Variants in STK32B observed in about 807,000 individuals in gnomAD.
The protein encoded by STK32B is serine/threonine-protein kinase 32B.
Under a neutral mutation model 52.6 loss-of-function variants are expected in STK32B, and 43 were observed. The observed-to-expected ratio is 0.82, with a 90% CI of 0.64 to 1.05. STK32B has a LOEUF of 1.05. Among genes scored for constraint, STK32B ranks in the 50% least tolerant of loss-of-function variants. The probability of loss-of-function intolerance (pLI) is 0.00; values close to 1 mark genes in which losing one functional copy is unlikely to be tolerated. For missense variants in STK32B, 621 were observed against 534.6 expected, an observed-to-expected ratio of 1.16 and a Z score of -1.59; for synonymous variants, 238 against 204.3, an observed-to-expected ratio of 1.17 and a Z score of -1.41.
chr4:5,198,051 C>G (rs1386612131), intron 3 of STK32B, among the ~76,000 whole-genome samples: 1 of 151,878 alleles, frequency 6.6e-6, no homozygotes, highest in East Asian at 1.9e-4. Context: ...TGTGCTATCT[C>G]ATGCCATAGA....
In STK32B at chr4:5,051,925, C is replaced by T. The variant is rs62291617; in HGVS notation, c.52+10C>T. On this transcript the variant is annotated intron_variant, in intron 1 of 11. Transcript: ENST00000282908. Reference sequence around the variant, plus strand: ...GACGAGAATGAGGAAGGTAAGAGAGCGAGAGGTGCGAATTCCCGCTTCGCG... The same window carrying T: ...GACGAGAATGAGGAAGGTAAGAGAGTGAGAGGTGCGAATTCCCGCTTCGCG... 6.3e-6 allele frequency: 10 copies of T among 1,587,380 alleles called. No individual in the cohort carries two copies. The highest frequency in any genetic ancestry group is 2.7e-5 in the African/African-American group (2 of 73,962).
chr4:5,247,529 G>T (rs1725544914), intron 3 of STK32B, among the ~76,000 whole-genome samples: 1 of 152,186 alleles, frequency 6.6e-6, no homozygotes, highest in Non-Finnish European at 1.5e-5. Context: ...CTCGGGTGAG[G>T]CGATGCCTCG....
chr4:5,172,907 T>C (rs561845381), intron 3 of STK32B, among the ~76,000 whole-genome samples: 1 of 152,234 alleles, frequency 6.6e-6, no homozygotes, highest in Non-Finnish European at 1.5e-5. Flanking sequence ...CTTGTACCTC[T>C]AGTAGAATTC....
chr4:5,175,825 A>T (rs377137725), intron 3 of STK32B, among the ~76,000 whole-genome samples: 15 of 152,202 alleles, frequency 9.9e-5, no homozygotes, highest in African/African-American at 2.9e-4. Flanking sequence ...ACTCTGTTCA[A>T]AGCTGTCAGA....
intron 1 of STK32B, among the ~76,000 whole-genome samples, chr4:5,132,939 C>G (rs1715868267): frequency 6.6e-6 from 1 of 152,044 alleles, no homozygotes; most frequent in Non-Finnish European, 1.5e-5. Context: ...GCTGGGATTA[C>G]AGGCATGCAC....
chr4:5,141,527 G>T (rs960375363), intron 2 of STK32B, among the ~76,000 whole-genome samples: 1 of 152,126 alleles, frequency 6.6e-6, no homozygotes, highest in Non-Finnish European at 1.5e-5. Context: ...AGGCTTGGGG[G>T]TTTCTGGGGG....
chr4:5,280,870 G>T (rs912699651), intron 3 of STK32B, among the ~76,000 whole-genome samples: 6 of 152,100 alleles, frequency 3.9e-5, no homozygotes, highest in Admixed American at 3.9e-4. Flanking sequence ...CTGCACTCCA[G>T]CCTGGGAGAC....
chr4:5,283,812 T>A (rs547092597), intron 3 of STK32B, among the ~76,000 whole-genome samples: 2 of 152,332 alleles, frequency 1.3e-5, no homozygotes, highest in South Asian at 4.1e-4. Context: ...CCATTAGACC[T>A]GCAGAAATTG....
chr4:5,341,614 G>A (rs1294457260), intron 4 of STK32B, among the ~76,000 whole-genome samples: 1 of 152,164 alleles, frequency 6.6e-6, no homozygotes, highest in African/African-American at 2.4e-5. Flanking sequence ...GGCTGTTCTT[G>A]CATCGCTGTA....
At chr4:5,035,718 G>A in the STK32B span, among the ~76,000 whole-genome samples, 1,575 of 151,844 alleles carry the variant, frequency 0.01, 31 homozygotes, top group African/African-American at 0.035. Context: ...TTAAACATTT[G>A]TATTCAAAGT....
chr4:5,478,837 C>A (rs1461906172), intron 11 of STK32B, among the ~76,000 whole-genome samples: 1 of 152,136 alleles, frequency 6.6e-6, no homozygotes, highest in Non-Finnish European at 1.5e-5. Flanking sequence ...TCCTAGCAAC[C>A]CCAGGCGGCA....
At chr4:5,476,508 G>A (rs995218502) in intron 11 of STK32B, among the ~76,000 whole-genome samples, 6 of 152,168 alleles carry the variant, frequency 3.9e-5, no homozygotes, top group Admixed American at 1.3e-4. Context: ...TCTCTTATGG[G>A]TCCTTAAAGT....
intron 3 of STK32B, among the ~76,000 whole-genome samples, chr4:5,191,610 G>A (rs570348006): frequency 1.3e-5 from 2 of 152,152 alleles, no homozygotes; most frequent in Non-Finnish European, 2.9e-5. Flanking sequence ...TTTAAGGAAG[G>A]GTTTCTGCTG....
chr4:5,223,769 A>G (rs1401631289), intron 3 of STK32B, among the ~76,000 whole-genome samples: 10 of 143,362 alleles, frequency 7.0e-5, no homozygotes, highest in Admixed American at 1.5e-4. Flanking sequence ...GTGAGCCGAG[A>G]TTGTGCCACT....
chr4:5,495,423 C>T (rs1720139728), intron 11 of STK32B, among the ~76,000 whole-genome samples: 1 of 152,186 alleles, frequency 6.6e-6, no homozygotes, highest in Non-Finnish European at 1.5e-5. Flanking sequence ...GCTTTCAGCT[C>T]CATCAGCTCC....
rs1006643369 is a variant in STK32B, at chr4:5,469,029, C to T, written c.1106+959C>T. 4.1e-5 allele frequency among the ~76,000 whole-genome samples: 6 copies of T among 145,052 alleles called. No individual in the cohort carries two copies. Among genetic ancestry groups the T allele is most frequent in the Non-Finnish European group, 7.5e-5 (5 of 67,034 alleles). On this transcript the variant is annotated intron_variant, in intron 11 of 11. Coordinates refer to ENST00000282908, the MANE Select transcript of STK32B (RefSeq NM_018401.3). The surrounding 1 kb of genome is among the most constrained non-coding windows in gnomAD (Gnocchi z 4.7). ...CGCGCACACTGCACTCCAGCCTGGGCGACAGAGCAAGACTCCGTCTCAAAA... is the reference window on the plus strand; with the variant it reads ...CGCGCACACTGCACTCCAGCCTGGGTGACAGAGCAAGACTCCGTCTCAAAA...
intron 6 of STK32B, among the ~76,000 whole-genome samples, chr4:5,444,704 A>T (rs1001025704): frequency 2.0e-5 from 3 of 152,376 alleles, no homozygotes; most frequent in Non-Finnish European, 2.9e-5. Flanking sequence ...ACTACGGGCC[A>T]GGCATCCTGC....
Position 5,417,073 on chromosome 4 carries a change from T to C in STK32B, c.562+139T>C, listed in dbSNP as rs58552436. On this transcript the variant is annotated intron_variant, in intron 6 of 11. Coordinates refer to ENST00000282908, the MANE Select transcript of STK32B (RefSeq NM_018401.3). ...ATGAGGTTCCACAGTTCCCAGTAGA[T>C]ACAATGCTCCCTCGAAGCTCTGGAC... The C allele has an allele frequency of 9.0e-4, 643 of 716,374 alleles. 3 individuals carry two copies. In the African/African-American group the frequency reaches 9.9e-3, roughly 11 times the overall value. 44.4% of individuals were successfully genotyped at this position (716,374 alleles called of 1,614,324 possible). A position where few individuals can be genotyped will look rare whatever the true frequency, so the allele number is the denominator to read the frequency against.
chr4:5,104,775 T>G (rs977601208), intron 1 of STK32B, among the ~76,000 whole-genome samples: 3 of 152,242 alleles, frequency 2.0e-5, no homozygotes, highest in African/African-American at 7.2e-5. Context: ...GAATTATGAA[T>G]GAATATTATT....
Sources: allele counts gnomAD v4.1 joint callset (sites outside exome capture counted in the v4.1 genomes callset), GRCh38; gene constraint gnomAD v4.1.1; non-coding constraint Gnocchi (gnomAD v3.1); transcripts MANE v1.5; gene names NCBI Gene and HGNC (gene_info 2026-07-23, HGNC 2026-07-21).